SYTL5: variants seen among roughly 807,000 people sequenced by gnomAD.
SYTL5 encodes the protein synaptotagmin like 5, also known as synaptotagmin-like protein 5.
SYTL5 carries 34 observed loss-of-function variants against 55.9 expected under a neutral mutation model. The observed-to-expected ratio is 0.61, with a 90% CI of 0.46 to 0.81. The LOEUF is 0.81. Among genes scored for constraint, SYTL5 ranks in the 30% least tolerant of loss-of-function variants. The pLI, the probability that SYTL5 is intolerant of heterozygous loss-of-function variation, is 0.00. For synonymous variants in SYTL5, 221 were observed against 188.7 expected (o/e 1.17, Z -1.40); for missense variants, 637 against 546.7 (o/e 1.17, Z -1.65).
chrX:37,977,817 G>A, the SYTL5 span, among the ~76,000 whole-genome samples: 1 of 109,392 alleles, frequency 9.1e-6, no homozygotes, highest in African/African-American at 3.3e-5. Context: ...CTCACAAGCA[G>A]TAAAAATGGC....
At chrX:37,972,499 G>A in the SYTL5 span, among the ~76,000 whole-genome samples, 1 of 111,645 alleles carries the variant, frequency 9.0e-6, no homozygotes, top group African/African-American at 3.3e-5. Context: ...GTTAGCTCCG[G>A]TTTCGGGCAA....
intron 2 of SYTL5, among the ~76,000 whole-genome samples, chrX:38,040,913 G>T (rs959864417): frequency 1.6e-4 from 18 of 111,854 alleles, no homozygotes; most frequent in Non-Finnish European, 3.0e-4. Flanking sequence ...TATAGTGGTT[G>T]TACTAATTTA....
chrX:37,965,688 A>C, the SYTL5 span, among the ~76,000 whole-genome samples: 1 of 112,029 alleles, frequency 8.9e-6, no homozygotes, highest in Admixed American at 9.4e-5. Context: ...TATTCTATCC[A>C]TTATTGAAAA....
At chrX:37,988,071 A>T in the SYTL5 span, among the ~76,000 whole-genome samples, 1 of 112,164 alleles carries the variant, frequency 8.9e-6, no homozygotes, top group Admixed American at 9.5e-5. Context: ...CACAAAGATG[A>T]TTGTGGAAGA....
At chrX:38,004,903 A>G (rs148309501), upstream of SYTL5, among the ~76,000 whole-genome samples, 3,924 of 111,371 alleles carry the variant, frequency 0.035, 72 homozygotes, top group Middle Eastern at 0.06. Context: ...TTAATTGTGC[A>G]TTTTAAAATA....
chrX:38,056,176 T>C (rs939705873), intron 3 of SYTL5, among the ~76,000 whole-genome samples: 1 of 111,808 alleles, frequency 8.9e-6, no homozygotes, highest in African/African-American at 3.3e-5. Flanking sequence ...GTTAAATTGT[T>C]TTAATTTTTA....
the SYTL5 span, among the ~76,000 whole-genome samples, chrX:37,911,665 T>C: frequency 3.6e-5 from 4 of 111,420 alleles, no homozygotes; most frequent in African/African-American, 9.8e-5. Context: ...CATCAAAGAG[T>C]ATCCCCTCCC....
chrX:37,890,225 A>G, the SYTL5 span, among the ~76,000 whole-genome samples: 1 of 111,091 alleles, frequency 9.0e-6, no homozygotes, highest in East Asian at 2.8e-4. Flanking sequence ...GAACTCCCCA[A>G]ACCTCCATGA....
the SYTL5 span, among the ~76,000 whole-genome samples, chrX:37,920,827 G>A: frequency 9.0e-6 from 1 of 111,613 alleles, no homozygotes; most frequent in African/African-American, 3.3e-5. Flanking sequence ...GGAATATGAT[G>A]CCTAGAACAT....
rs1355858236 is a variant in SYTL5 at position 38,006,564 on chromosome X, T to A, written c.-461T>A. ...GAATATGAGAGGCTGGTTTTTCAAG[T>A]TCCTGCTCCAAGTAGTTCACAAGGG... is the stretch of plus-strand genomic sequence containing the variant. On this transcript the variant is annotated 5_prime_UTR_variant, in exon 1 of 17. Coordinates refer to ENST00000297875, the MANE Select transcript of SYTL5 (RefSeq NM_138780.3). The A allele has an allele frequency of 8.9e-6, 1 of 111,789 alleles. No homozygotes were observed. Among genetic ancestry groups the A allele is most frequent in the East Asian group, 2.8e-4 (1 of 3,581 alleles). 9.2% of individuals were successfully genotyped at this position (111,789 alleles called of 1,213,427 possible). A position where few individuals can be genotyped will look rare whatever the true frequency, so the allele number is the denominator to read the frequency against.
the SYTL5 span, chrX:37,991,186 ATGAC>A: frequency 8.3e-7 from 1 of 1,208,161 alleles, no homozygotes; most frequent in Non-Finnish European, 1.1e-6. Context: ...TCCAGGAAGA[ATGAC>A]TGAAGACTGG....
intron 6 of SYTL5, among the ~76,000 whole-genome samples, chrX:38,084,823 A>G (rs1009233235): frequency 8.9e-6 from 1 of 111,796 alleles, no homozygotes; most frequent in African/African-American, 3.3e-5. Flanking sequence ...CAGTATAGAC[A>G]GTACATGAAT....
the SYTL5 span, among the ~76,000 whole-genome samples, chrX:37,957,098 G>A: frequency 1.7e-4 from 17 of 102,708 alleles, no homozygotes; most frequent in African/African-American, 6.1e-4. Context: ...TGGGAGAAAC[G>A]TCGATTCACA....
At chrX:37,935,645 T>A in the SYTL5 span, among the ~76,000 whole-genome samples, 1 of 112,093 alleles carries the variant, frequency 8.9e-6, no homozygotes, top group Non-Finnish European at 1.9e-5. Context: ...TTTTTTGTAT[T>A]ATGTTGTAAT....
In SYTL5 at chrX:38,054,488, A is replaced by C. The variant is rs1935720802; in HGVS notation, c.329+66A>C. On this transcript the variant is annotated intron_variant, in intron 3 of 16. Transcript: ENST00000297875. The stretch of plus-strand genomic sequence containing the variant: ...CTGAAGGGATTGGAGTGGGGAAGGC[A>C]AAAGAGAAAAAGAGTATTTTAAGTT... 8 of 980,776 alleles carry C rather than the reference A, an allele frequency of 8.2e-6. No homozygotes were observed. In the Admixed American group the frequency reaches 9.6e-5, roughly 12 times the overall value. 80.8% of individuals were successfully genotyped at this position (980,776 alleles called of 1,213,427 possible). A position where few individuals can be genotyped will look rare whatever the true frequency, so the allele number is the denominator to read the frequency against.
rs748741282 is a variant in SYTL5 at position 38,126,951 on chromosome X, G to A, written c.*221G>A. 4 of 377,782 alleles carry A rather than the reference G, an allele frequency of 1.1e-5. No homozygotes were observed. The highest frequency in any genetic ancestry group is 5.1e-5 in the African/African-American group (2 of 39,525). The allele number at this position is 377,782 out of a possible 1,213,427, so 31.1% of individuals were successfully genotyped here. ...TCAAGGCCTTCTTGATTGGATGATA[G>A]AAAGTGTACTACTTGTCCTGTCAAC... On this transcript the variant is annotated 3_prime_UTR_variant, in exon 17 of 17. Coordinates refer to ENST00000297875, the MANE Select transcript of SYTL5 (RefSeq NM_138780.3).
At chrX:38,033,389 T>G (rs1457505600) in intron 1 of SYTL5, 145 bp from the exon 2 acceptor site, 1 of 112,890 alleles carries the variant, frequency 8.9e-6, no homozygotes, top group Non-Finnish European at 1.9e-5. Context: ...AATAAAGATT[T>G]AATAAATGCA....
At chrX:38,001,507 A>G in the SYTL5 span, among the ~76,000 whole-genome samples, 1 of 111,385 alleles carries the variant, frequency 9.0e-6, no homozygotes, top group Non-Finnish European at 1.9e-5. Flanking sequence ...ACGAGTTCAA[A>G]TATTTCAATT....
chrX:38,000,099 C>A, the SYTL5 span, among the ~76,000 whole-genome samples: 1 of 111,722 alleles, frequency 9.0e-6, no homozygotes, highest in Non-Finnish European at 1.9e-5. Context: ...AACTCACTCT[C>A]GAGAACTTTC....
Sources: gnomAD v4.1 joint callset for allele counts (sites outside exome capture counted in the v4.1 genomes callset) on GRCh38, gnomAD v4.1.1 for gene constraint, MANE v1.5 for transcripts, NCBI Gene and HGNC (gene_info 2026-07-23, HGNC 2026-07-21) for gene names.